SLC2A14: variants seen among roughly 807,000 people sequenced by gnomAD.
SLC2A14 encodes solute carrier family 2, facilitated glucose transporter member 14.
Under a neutral mutation model 43.0 loss-of-function variants are expected in SLC2A14, and 13 were observed. The observed-to-expected ratio is 0.30, with a 90% CI of 0.20 to 0.48. SLC2A14 has a LOEUF of 0.48. Among genes scored for constraint, SLC2A14 ranks in the 20% least tolerant of loss-of-function variants. SLC2A14 has a pLI of 0.99. For synonymous variants in SLC2A14, 190 were observed against 233.8 expected, an observed-to-expected ratio of 0.81 and a Z score of 1.71; for missense variants, 428 against 620.4, an observed-to-expected ratio of 0.69 and a Z score of 3.29.
chr12:7,876,379 G>A (rs1359205624), upstream of SLC2A14, among the ~76,000 whole-genome samples: 1 of 151,330 alleles, frequency 6.6e-6, no homozygotes, highest in Non-Finnish European at 1.5e-5. Flanking sequence ...CTGTGAACCT[G>A]GAAGCATGCC....
chr12:7,861,221 A>G (rs1944538829), intron 2 of SLC2A14, among the ~76,000 whole-genome samples: 1 of 152,140 alleles, frequency 6.6e-6, no homozygotes, highest in Admixed American at 6.5e-5. Context: ...GCAACATTGG[A>G]AGAGAGTTTG....
intron 2 of SLC2A14, among the ~76,000 whole-genome samples, chr12:7,841,728 C>G (rs1395041909): frequency 6.6e-6 from 1 of 152,094 alleles, no homozygotes; most frequent in Non-Finnish European, 1.5e-5. Context: ...ATGTTCCAGG[C>G]TGGGTGCAGT....
upstream of SLC2A14, among the ~76,000 whole-genome samples, chr12:7,874,816 T>TTATATATAAATTATATATAAATACGTA (rs1565584726): frequency 3.3e-5 from 2 of 60,384 alleles, no homozygotes; most frequent in Non-Finnish European, 3.1e-5. Context: ...AAATACGTAT[T>TTATATATAAATTATATATAAATACGTA]TATATATAAA....
At chr12:7,849,662 A>T (rs1228329763) in intron 2 of SLC2A14, among the ~76,000 whole-genome samples, 2 of 151,916 alleles carry the variant, frequency 1.3e-5, no homozygotes, top group African/African-American at 4.8e-5. Flanking sequence ...GCAATTTGGG[A>T]GGCTGAGGCA....
chr12:7,890,122 A>G (rs1202582994), intron 1 of SLC2A14, among the ~76,000 whole-genome samples: 1 of 151,950 alleles, frequency 6.6e-6, no homozygotes, highest in Non-Finnish European at 1.5e-5. Flanking sequence ...GACTTAGAAC[A>G]TCTTAACCAT....
intron 1 of SLC2A14, among the ~76,000 whole-genome samples, chr12:7,879,324 C>CAAACAAACA (rs367802399): frequency 3.0e-4 from 32 of 105,836 alleles, no homozygotes; most frequent in East Asian, 7.8e-4. Flanking sequence ...AAAAAACAAA[C>CAAACAAACA]AACAACAAAA....
At chr12:7,835,335 C>A (rs149778835) in intron 2 of SLC2A14, among the ~76,000 whole-genome samples, 1 of 152,012 alleles carries the variant, frequency 6.6e-6, no homozygotes, top group Non-Finnish European at 1.5e-5. Context: ...TGCAGTCAGC[C>A]GAGATTGCGT....
At chr12:7,840,160 CTTTTT>C (rs58740298) in intron 2 of SLC2A14, among the ~76,000 whole-genome samples, 4 of 68,802 alleles carry the variant, frequency 5.8e-5, no homozygotes, top group Admixed American at 2.4e-4. Context: ...GAGTTTGCTC[CTTTTT>C]TTTTTTTTTT....
intron 1 of SLC2A14, chr12:7,871,862 C>T (rs185777655): frequency 6.1e-6 from 6 of 980,558 alleles, no homozygotes; most frequent in East Asian, 1.1e-4. Flanking sequence ...GAGACACCAG[C>T]GCACACCCAC....
intron 2 of SLC2A14, among the ~76,000 whole-genome samples, chr12:7,842,823 C>T (rs553057678): frequency 3.0e-4 from 46 of 151,738 alleles, no homozygotes; most frequent in Non-Finnish European, 4.1e-4. Flanking sequence ...CCGCCTCCCG[C>T]GTTCAAGTGA....
chr12:7,821,518 A>G (rs1476297697), intron 7 of SLC2A14, among the ~76,000 whole-genome samples, 193 bp from the exon 8 acceptor site: 1 of 152,178 alleles, frequency 6.6e-6, no homozygotes, highest in Non-Finnish European at 1.5e-5. Context: ...CCCTGTTTCT[A>G]CTAAAAATAT....
intron 1 of SLC2A14, among the ~76,000 whole-genome samples, chr12:7,884,405 A>G (rs1297317697): frequency 6.6e-6 from 1 of 152,108 alleles, no homozygotes; most frequent in Non-Finnish European, 1.5e-5. Context: ...TTTTGTAAAA[A>G]GCTTTTAATA....
chr12:7,840,349 T>A (rs1352837896), intron 2 of SLC2A14, among the ~76,000 whole-genome samples: 1 of 151,948 alleles, frequency 6.6e-6, no homozygotes, highest in Non-Finnish European at 1.5e-5. Context: ...ACATTTCTAC[T>A]GTTTATAGAT....
chr12:7,832,859 T>A, intron 2 of SLC2A14, 45 bp from the exon 3 acceptor site: 3 of 1,567,674 alleles, frequency 1.9e-6, no homozygotes, highest in Non-Finnish European at 2.6e-6. Context: ...CCTTAAAACT[T>A]GTAATTGATG....
intron 3 of SLC2A14, 129 bp from the exon 4 acceptor site, chr12:7,831,893 G>A: frequency 8.7e-7 from 1 of 1,153,072 alleles, no homozygotes. Context: ...TGGATCACCT[G>A]AGGTCAGGAG....
chr12:7,823,200 T>A (rs745414569), intron 7 of SLC2A14, among the ~76,000 whole-genome samples: 30 of 151,640 alleles, frequency 2.0e-4, no homozygotes, highest in Admixed American at 3.9e-4. Context: ...CTAGCCAACA[T>A]GGTGAAACCC....
At chr12:7,860,125 T>A (rs1944465675) in intron 2 of SLC2A14, among the ~76,000 whole-genome samples, 1 of 152,098 alleles carries the variant, frequency 6.6e-6, no homozygotes, top group African/African-American at 2.4e-5. Flanking sequence ...AGTGTATATC[T>A]TTGCGCCATC....
At chr12:7,828,493 G>A (rs1864698252) in intron 6 of SLC2A14, among the ~76,000 whole-genome samples, 2 of 151,998 alleles carry the variant, frequency 1.3e-5, no homozygotes, top group Admixed American at 1.3e-4. Flanking sequence ...AGGTTGCAGT[G>A]AACCGAGATC....
chr12:7,820,457 CACCA>C (rs1297485707), intron 8 of SLC2A14, among the ~76,000 whole-genome samples: 1 of 152,066 alleles, frequency 6.6e-6, no homozygotes, highest in East Asian at 1.9e-4. Context: ...GGAAATCGGC[CACCA>C]ACCTGTGAGC....
Sources: gnomAD v4.1 joint callset for allele counts (sites outside exome capture counted in the v4.1 genomes callset) on GRCh38, gnomAD v4.1.1 for gene constraint, MANE v1.5 for transcripts, NCBI Gene and HGNC (gene_info 2026-07-23, HGNC 2026-07-21) for gene names.